PALM2AKAP2: variants seen among roughly 807,000 people sequenced by gnomAD.
PALM2AKAP2 encodes PALM2-AKAP2 fusion protein.
A neutral mutation model predicts 71.5 loss-of-function variants in PALM2AKAP2; 37 were observed. The ratio of observed to expected loss-of-function variants is 0.52; its 90% CI spans 0.40 to 0.68. The LOEUF (loss-of-function observed/expected upper bound fraction) is 0.68. Among genes scored for constraint, PALM2AKAP2 ranks in the 30% least tolerant of loss-of-function variants. The pLI is 0.00. For synonymous variants in PALM2AKAP2, 468 were observed against 478.8 expected (o/e 0.98, Z 0.29); for missense variants, 1,224 against 1,191.8 (o/e 1.03, Z -0.40).
At chr9:109,780,454 T>G (rs1264799527), upstream of PALM2AKAP2, 1 of 1,612,812 alleles carries the variant, frequency 6.2e-7, no homozygotes, top group Non-Finnish European at 8.5e-7. Context: ...TGTTTTTTCT[T>G]TCCTCTTTCC....
chr9:110,135,165 AT>A (rs780442293), intron 1 of PALM2AKAP2, among the ~76,000 whole-genome samples: 13,713 of 69,994 alleles, frequency 0.2, 2,678 homozygotes, highest in East Asian at 0.43. Context: ...AAAAAAAAAA[AT>A]ATATAAATAT....
At chr9:109,710,153 A>G (rs1240427576) in intron 1 of PALM2AKAP2, among the ~76,000 whole-genome samples, 1 of 152,222 alleles carries the variant, frequency 6.6e-6, no homozygotes, top group Non-Finnish European at 1.5e-5. Context: ...CTCAGAGCCT[A>G]TAGAAGGACC....
intron 5 of PALM2AKAP2, 142 bp downstream of exon 5, chr9:109,925,224 C>T (rs149099847): frequency 8.6e-6 from 11 of 1,276,036 alleles, no homozygotes; most frequent in African/African-American, 1.5e-5. Flanking sequence ...TTGCAGGCCA[C>T]TGAGGAGGTC....
At chr9:109,654,047 T>G (rs991491756) in intron 1 of PALM2AKAP2, among the ~76,000 whole-genome samples, 13 of 152,254 alleles carry the variant, frequency 8.5e-5, no homozygotes, top group African/African-American at 2.9e-4. Context: ...CAATCTTATC[T>G]TTTAAAATAT....
At chr9:109,936,105 A>G (rs1436548905) in intron 6 of PALM2AKAP2, among the ~76,000 whole-genome samples, 1 of 152,184 alleles carries the variant, frequency 6.6e-6, no homozygotes, top group African/African-American at 2.4e-5. Context: ...TTTTATTGAT[A>G]CATAATAATT....
chr9:109,896,340 G>A (rs1231980293), intron 3 of PALM2AKAP2, among the ~76,000 whole-genome samples: 1 of 152,128 alleles, frequency 6.6e-6, no homozygotes, highest in Non-Finnish European at 1.5e-5. Context: ...AATTCAAGAT[G>A]AGATTTGGAT....
At chr9:109,679,786 T>G (rs1300709182) in intron 1 of PALM2AKAP2, among the ~76,000 whole-genome samples, 2 of 152,278 alleles carry the variant, frequency 1.3e-5, no homozygotes, top group Non-Finnish European at 1.5e-5. Context: ...TAAAGAAACT[T>G]CTCTGGTTGA....
chr9:109,700,115 A>G (rs952697536), intron 1 of PALM2AKAP2, among the ~76,000 whole-genome samples: 1 of 152,132 alleles, frequency 6.6e-6, no homozygotes, highest in Non-Finnish European at 1.5e-5. Flanking sequence ...AATGGGAAGG[A>G]AGAGATATAA....
chr9:110,106,217 G>C (rs1221738375), intron 1 of PALM2AKAP2, among the ~76,000 whole-genome samples: 1 of 152,190 alleles, frequency 6.6e-6, no homozygotes, highest in Non-Finnish European at 1.5e-5. Flanking sequence ...CTGAGATGGA[G>C]ACTCAAGTGG....
chr9:110,006,398 CT>C (rs1378351514), intron 6 of PALM2AKAP2, among the ~76,000 whole-genome samples: 6 of 132,882 alleles, frequency 4.5e-5, no homozygotes, highest in African/African-American at 1.7e-4. Context: ...AGATCTTACT[CT>C]GTCATGCAGT....
chr9:110,031,834 T>A (rs1160544004), intron 7 of PALM2AKAP2, among the ~76,000 whole-genome samples: 1 of 152,210 alleles, frequency 6.6e-6, no homozygotes, highest in Non-Finnish European at 1.5e-5. Context: ...GAGGCTTTTA[T>A]GTAGTTCTGT....
chr9:109,982,306 G>T (rs1832287038), intron 6 of PALM2AKAP2, among the ~76,000 whole-genome samples: 1 of 152,144 alleles, frequency 6.6e-6, no homozygotes, highest in Admixed American at 6.5e-5. Context: ...GGCTCGGAAG[G>T]GTAGTGGGGA....
At chr9:109,833,747 G>C (rs1410337351) in intron 1 of PALM2AKAP2, among the ~76,000 whole-genome samples, 1 of 152,182 alleles carries the variant, frequency 6.6e-6, no homozygotes, top group Non-Finnish European at 1.5e-5. Context: ...CAGTCACTGT[G>C]ACAATCAAGA....
chr9:110,138,542 A>T lies in PALM2AKAP2; in HGVS notation c.2569+3A>T. 1 of 1,586,056 alleles carries T rather than the reference A, an allele frequency of 6.3e-7. No homozygotes were observed. ...AACATGCTACAAAACTGCTCCAGGTAAGTGAGGTGCCTCACATGAGAGACA... is the reference window on the plus strand; with the variant it reads ...AACATGCTACAAAACTGCTCCAGGTTAGTGAGGTGCCTCACATGAGAGACA... On this transcript the variant is annotated splice_donor_region_variant and intron_variant, in intron 2 of 3. Transcript: ENST00000374525.
intron 1 of PALM2AKAP2, among the ~76,000 whole-genome samples, chr9:110,069,693 G>A (rs550346132): frequency 6.6e-6 from 1 of 152,278 alleles, no homozygotes; most frequent in South Asian, 2.1e-4. Context: ...AGAACCAGGA[G>A]GCGCTGAGGG....
At chr9:109,786,663 C>G (rs1826976721) in intron 1 of PALM2AKAP2, among the ~76,000 whole-genome samples, 1 of 152,124 alleles carries the variant, frequency 6.6e-6, no homozygotes, top group Non-Finnish European at 1.5e-5. Flanking sequence ...CAGGCCTTAC[C>G]CAGCATGCAT....
At chr9:110,078,430 A>G (rs1834371662) in intron 1 of PALM2AKAP2, among the ~76,000 whole-genome samples, 1 of 152,134 alleles carries the variant, frequency 6.6e-6, no homozygotes, top group Non-Finnish European at 1.5e-5. Context: ...GAATTTATGT[A>G]TTCTTATCTA....
intron 7 of PALM2AKAP2, among the ~76,000 whole-genome samples, chr9:110,032,445 C>A (rs1317544157): frequency 6.6e-6 from 1 of 152,068 alleles, no homozygotes; most frequent in East Asian, 1.9e-4. Context: ...GTAATCCCAG[C>A]ACTTTGGGAG....
At chr9:109,682,334 C>T (rs1385234492) in intron 1 of PALM2AKAP2, among the ~76,000 whole-genome samples, 1 of 152,202 alleles carries the variant, frequency 6.6e-6, no homozygotes, top group African/African-American at 2.4e-5. Flanking sequence ...GCTTCATTCA[C>T]TCAAGGAAAA....
Sources: gnomAD v4.1 joint callset for allele counts (sites outside exome capture counted in the v4.1 genomes callset) on GRCh38, gnomAD v4.1.1 for gene constraint, MANE v1.5 for transcripts, NCBI Gene and HGNC (gene_info 2026-07-23, HGNC 2026-07-21) for gene names.